PDE4D: variants seen among roughly 807,000 people sequenced by gnomAD.
PDE4D encodes phosphodiesterase 4D.
PDE4D carries 24 observed loss-of-function variants against 87.4 expected under a neutral mutation model. The observed-to-expected ratio is 0.27, with a 90% CI of 0.20 to 0.39. The LOEUF (loss-of-function observed/expected upper bound fraction) is 0.39, where lower values mean the gene tolerates loss of function less well. Among genes scored for constraint, PDE4D ranks in the 10% least tolerant of loss-of-function variants. The probability of loss-of-function intolerance (pLI) is 1.00; values close to 1 mark genes in which losing one functional copy is unlikely to be tolerated. For synonymous variants in PDE4D, 384 were observed against 383.2 expected (o/e 1.00, Z -0.02); for missense variants, 714 against 1,041.0 (o/e 0.69, Z 4.32).
intron 1 of PDE4D, among the ~76,000 whole-genome samples, chr5:60,396,030 G>C (rs1762862287): frequency 6.6e-6 from 1 of 152,218 alleles, no homozygotes; most frequent in South Asian, 2.1e-4. Context: ...TGCCCAGCTG[G>C]AACAGCCTCC....
At chr5:59,602,935 G>A (rs1827724634) in intron 1 of PDE4D, among the ~76,000 whole-genome samples, 2 of 152,146 alleles carry the variant, frequency 1.3e-5, no homozygotes, top group South Asian at 4.1e-4. Context: ...ATACATTGGG[G>A]AAACACAATC....
chr5:60,218,799 A>C (rs955860914), intron 1 of PDE4D, among the ~76,000 whole-genome samples: 2 of 152,112 alleles, frequency 1.3e-5, no homozygotes, highest in African/African-American at 4.8e-5. Flanking sequence ...GATCCACAAG[A>C]TCACACCAAA....
intron 5 of PDE4D, chr5:59,125,158 G>A (rs1039610409): frequency 3.8e-5 from 13 of 344,700 alleles, no homozygotes; most frequent in Non-Finnish European, 4.9e-5. Context: ...GCAGTTAGAA[G>A]AGATTGAGCT....
chr5:60,420,825 C>G (rs1208613333), intron 1 of PDE4D, among the ~76,000 whole-genome samples: 1 of 152,210 alleles, frequency 6.6e-6, no homozygotes, highest in African/African-American at 2.4e-5. Flanking sequence ...CAGGACACTC[C>G]CGCCCAAATA....
chr5:60,307,107 C>G (rs1754567367), intron 1 of PDE4D, among the ~76,000 whole-genome samples: 2 of 151,802 alleles, frequency 1.3e-5, no homozygotes, highest in Non-Finnish European at 2.9e-5. Context: ...AAAATGCAAA[C>G]ATAACTAATT....
chr5:58,993,218 G>A (rs188950338), intron 7 of PDE4D, among the ~76,000 whole-genome samples, 154 bp downstream of exon 7: 6 of 152,208 alleles, frequency 3.9e-5, no homozygotes, highest in South Asian at 2.1e-4. Flanking sequence ...ACTCAGAGGC[G>A]GATAGTGTCG....
At chr5:59,756,810 C>CTTT (rs5868192) in intron 1 of PDE4D, among the ~76,000 whole-genome samples, 7 of 132,262 alleles carry the variant, frequency 5.3e-5, no homozygotes, top group Non-Finnish European at 6.3e-5. Context: ...GAGGTTCTTA[C>CTTT]TTTTTTTTTT....
chr5:60,007,078 C>T (rs980592863), intron 2 of PDE4D, among the ~76,000 whole-genome samples: 1 of 151,934 alleles, frequency 6.6e-6, no homozygotes, highest in African/African-American at 2.4e-5. Context: ...ATAAAAGGTG[C>T]ATAGAATTTC....
intron 6 of PDE4D, among the ~76,000 whole-genome samples, chr5:59,024,512 T>C (rs1755851619): frequency 6.6e-6 from 1 of 152,122 alleles, no homozygotes; most frequent in Admixed American, 6.5e-5. Flanking sequence ...AATTCTACTT[T>C]TGAAAGAACA....
intron 5 of PDE4D, among the ~76,000 whole-genome samples, chr5:59,150,355 CTT>C (rs934279949): frequency 6.6e-6 from 1 of 152,136 alleles, no homozygotes; most frequent in African/African-American, 2.4e-5. Flanking sequence ...TTCTGACAGA[CTT>C]TTTATTTTCC....
intron 1 of PDE4D, among the ~76,000 whole-genome samples, chr5:60,251,840 T>C (rs1748501950): frequency 6.6e-6 from 1 of 151,986 alleles, no homozygotes; most frequent in African/African-American, 2.4e-5. Context: ...AGTAATGTTC[T>C]GGGCCTTTAT....
chr5:60,473,043 A>AGAAG (rs776164991), intron 1 of PDE4D, among the ~76,000 whole-genome samples: 25 of 151,088 alleles, frequency 1.7e-4, no homozygotes, highest in South Asian at 4.2e-4. Flanking sequence ...ACAGACAGAC[A>AGAAG]GAAGGAAGGA....
At chr5:60,395,992 C>G (rs373083306) in intron 1 of PDE4D, among the ~76,000 whole-genome samples, 1 of 152,274 alleles carries the variant, frequency 6.6e-6, no homozygotes, top group East Asian at 1.9e-4. Flanking sequence ...AAACCCAGCC[C>G]ACGGTTACCA....
At chr5:59,126,095 T>C (rs1430840658) in intron 5 of PDE4D, among the ~76,000 whole-genome samples, 1 of 127,868 alleles carries the variant, frequency 7.8e-6, no homozygotes, top group Non-Finnish European at 1.6e-5. Flanking sequence ...AGTACAATTG[T>C]AAAAAAAAAA....
intron 1 of PDE4D, among the ~76,000 whole-genome samples, chr5:59,632,138 T>C (rs530807580): frequency 7.9e-5 from 12 of 152,278 alleles, no homozygotes; most frequent in Non-Finnish European, 1.2e-4. Context: ...AAGTTCAAAC[T>C]GGGCAGAGCC....
At chr5:60,302,694 T>C (rs1413595844) in intron 1 of PDE4D, among the ~76,000 whole-genome samples, 1 of 152,250 alleles carries the variant, frequency 6.6e-6, no homozygotes. Flanking sequence ...TTGGTTATTC[T>C]TGTCTTCTGC....
chr5:60,458,287 T>A (rs961863952), intron 1 of PDE4D, among the ~76,000 whole-genome samples: 1 of 146,850 alleles, frequency 6.8e-6, no homozygotes, highest in Non-Finnish European at 1.5e-5. Context: ...CTCAGGAGGC[T>A]GAGGCAGGAG....
rs1439682648 is a variant in PDE4D at position 60,364,457 on chromosome 5, ATTAAG to A, written c.-90+123480_-90+123484del. ...AAAATAATCAACTCTATTGTAAAAT[ATTAAG>A]TTATTTGTATTAAATAACTTATTTA... On this transcript the variant is annotated intron_variant, in intron 1 of 16. Transcript: ENST00000502484. Among the ~76,000 whole-genome samples, 47 of 152,342 alleles carry A rather than the reference ATTAAG, an allele frequency of 3.1e-4. No individual in the cohort carries two copies. In the East Asian group the frequency reaches 8.7e-3, roughly 28 times the overall value.
chr5:60,431,599 A>G (rs924324865), intron 1 of PDE4D, among the ~76,000 whole-genome samples: 4 of 146,606 alleles, frequency 2.7e-5, no homozygotes, highest in African/African-American at 1.0e-4. Flanking sequence ...GTGGGCAGCC[A>G]GGCAGAGGGG....
Sources: gnomAD v4.1 joint callset for allele counts (sites outside exome capture counted in the v4.1 genomes callset) on GRCh38, gnomAD v4.1.1 for gene constraint, MANE v1.5 for transcripts, NCBI Gene and HGNC (gene_info 2026-07-23, HGNC 2026-07-21) for gene names.